RHBDD1: variants seen among roughly 807,000 people sequenced by gnomAD.
The protein encoded by RHBDD1 is rhomboid-related protein 4.
In RHBDD1, 38 loss-of-function variants were observed where a neutral mutation model predicts 36.3. That is an observed-to-expected ratio of 1.05 (90% CI 0.81 to 1.37). The LOEUF is 1.37. RHBDD1 is among the 40% of genes most tolerant of loss of function. The pLI, the probability that RHBDD1 is intolerant of heterozygous loss-of-function variation, is 0.00. For missense variants in RHBDD1, 393 were observed against 377.6 expected (o/e 1.04, Z -0.34); for synonymous variants, 151 against 136.5 (o/e 1.11, Z -0.74).
At chr2:226,906,536 A>C (rs1322227917) in intron 5 of RHBDD1, among the ~76,000 whole-genome samples, 2 of 152,228 alleles carry the variant, frequency 1.3e-5, no homozygotes, top group Non-Finnish European at 2.9e-5. Context: ...ACTGCTCTGG[A>C]GGAGACAACC....
At chr2:226,833,098 T>C (rs1372431769), upstream of RHBDD1, among the ~76,000 whole-genome samples, 1 of 152,230 alleles carries the variant, frequency 6.6e-6, no homozygotes, top group Non-Finnish European at 1.5e-5. Context: ...TAAGTATTGT[T>C]GGTATTATTA....
intron 8 of RHBDD1, among the ~76,000 whole-genome samples, chr2:226,967,592 C>G (rs1226593095): frequency 7.0e-6 from 1 of 143,666 alleles, no homozygotes; most frequent in African/African-American, 2.6e-5. Context: ...TCATGATAAC[C>G]TATTAGTGGA....
chr2:226,921,030 C>G (rs1263887523), intron 8 of RHBDD1, among the ~76,000 whole-genome samples: 1 of 152,082 alleles, frequency 6.6e-6, no homozygotes, highest in East Asian at 1.9e-4. Context: ...TGGCACCAAT[C>G]TCATTACTTT....
upstream of RHBDD1, among the ~76,000 whole-genome samples, chr2:226,835,330 A>G (rs564418885): frequency 6.6e-6 from 1 of 152,370 alleles, no homozygotes; most frequent in South Asian, 2.1e-4. Context: ...AAATGGTATC[A>G]AATTATGTAT....
chr2:226,856,351 A>T (rs1039080294), intron 3 of RHBDD1, among the ~76,000 whole-genome samples: 1 of 152,150 alleles, frequency 6.6e-6, no homozygotes, highest in Non-Finnish European at 1.5e-5. Flanking sequence ...ATATTATACC[A>T]TTTTCTTATT....
At chr2:226,921,548 T>C (rs1949315206) in intron 8 of RHBDD1, among the ~76,000 whole-genome samples, 1 of 152,180 alleles carries the variant, frequency 6.6e-6, no homozygotes, top group African/African-American at 2.4e-5. Context: ...TATCATTTGC[T>C]TCAAGAAATT....
chr2:226,936,832 A>C (rs2149130617), intron 8 of RHBDD1, among the ~76,000 whole-genome samples: 1 of 152,220 alleles, frequency 6.6e-6, no homozygotes. Context: ...TCAAGGTAAA[A>C]ATATTCTTCT....
rs1300438439 is a variant in RHBDD1, at chr2:226,998,402, T to A, written c.*2880T>A. 1 of 152,216 alleles carries A rather than the reference T, an allele frequency of 6.6e-6. No homozygotes were observed. Among genetic ancestry groups the A allele is most frequent in the Admixed American group, 6.5e-5 (1 of 15,284 alleles). 9.4% of individuals were successfully genotyped at this position (152,216 alleles called of 1,614,324 possible). On this transcript the variant is annotated 3_prime_UTR_variant, in exon 9 of 9. Coordinates refer to ENST00000392062, the MANE Select transcript of RHBDD1 (RefSeq NM_001167608.3). Reference sequence around the variant, plus strand: ...CCTCCCCCTACCCTGGAAATTGCACTGCAAGGCAGGGCGAGAATGGGGTAG... The same window carrying A: ...CCTCCCCCTACCCTGGAAATTGCACAGCAAGGCAGGGCGAGAATGGGGTAG...
chr2:226,985,279 C>G (rs1228773480), intron 8 of RHBDD1, among the ~76,000 whole-genome samples: 1 of 152,170 alleles, frequency 6.6e-6, no homozygotes, highest in Non-Finnish European at 1.5e-5. Context: ...AGTGCCTTGT[C>G]AGTCTCCTCT....
chr2:226,854,424 C>G (rs1373235446), intron 3 of RHBDD1, among the ~76,000 whole-genome samples: 1 of 151,950 alleles, frequency 6.6e-6, no homozygotes, highest in African/African-American at 2.4e-5. Flanking sequence ...GAAACCCTGT[C>G]TCTACTAAAA....
At chr2:226,879,650 C>G (rs1321944534) in intron 5 of RHBDD1, among the ~76,000 whole-genome samples, 1 of 152,170 alleles carries the variant, frequency 6.6e-6, no homozygotes, top group Non-Finnish European at 1.5e-5. Flanking sequence ...GTATAACATT[C>G]CTTTCTAAAT....
At position 226,904,427 on chromosome 2, in the gene RHBDD1, G is replaced by GTGC. The variant is rs768405024; in HGVS notation, c.567-2366_567-2365insTGC. On this transcript the variant is annotated intron_variant, in intron 5 of 8. Coordinates refer to ENST00000392062, the MANE Select transcript of RHBDD1 (RefSeq NM_001167608.3). The stretch of plus-strand genomic sequence containing the variant: ...ACATCCTGCAAGCGGGGGGGGAGGG[G>GTGC]GGTCAGGGAACTCCTGTTTCAGTAG... Among the ~76,000 whole-genome samples, 3 of 90,822 alleles carry GTGC rather than the reference G, an allele frequency of 3.3e-5. 1 individual carries two copies. The highest frequency in any genetic ancestry group is 2.3e-4 in the Admixed American group (2 of 8,818). The allele number at this position is 90,822 out of a possible 152,430, so 59.6% of individuals were successfully genotyped here. A position where few individuals can be genotyped will look rare whatever the true frequency, so the allele number is the denominator to read the frequency against.
intron 8 of RHBDD1, among the ~76,000 whole-genome samples, chr2:226,936,002 G>A (rs930101727): frequency 1.3e-5 from 2 of 152,116 alleles, no homozygotes; most frequent in Non-Finnish European, 1.5e-5. Context: ...CCAGGACAGA[G>A]ATGTACGACT....
chr2:226,825,895 G>T, the RHBDD1 span, among the ~76,000 whole-genome samples: 5 of 152,116 alleles, frequency 3.3e-5, no homozygotes, highest in East Asian at 9.6e-4. Context: ...TCGAAAAATG[G>T]TCACTATTAT....
intron 3 of RHBDD1, among the ~76,000 whole-genome samples, chr2:226,856,744 A>G (rs16822770): frequency 0.17 from 25,989 of 152,234 alleles, 3,378 homozygotes; most frequent in African/African-American, 0.36. Context: ...TTTGTGATGC[A>G]CTAATTTGCT....
intron 8 of RHBDD1, among the ~76,000 whole-genome samples, chr2:226,968,656 C>T (rs1236983910): frequency 6.6e-6 from 1 of 152,190 alleles, no homozygotes; most frequent in Non-Finnish European, 1.5e-5. Context: ...TGCGCACTCT[C>T]TCCGAAACAT....
chr2:226,870,328 G>A (rs906115525), intron 5 of RHBDD1, among the ~76,000 whole-genome samples: 2 of 152,140 alleles, frequency 1.3e-5, no homozygotes, highest in African/African-American at 2.4e-5. Flanking sequence ...TAAATCACTG[G>A]ATGTGTACAC....
At chr2:226,813,084 C>T in the RHBDD1 span, among the ~76,000 whole-genome samples, 1 of 152,158 alleles carries the variant, frequency 6.6e-6, no homozygotes, top group African/African-American at 2.4e-5. Context: ...CCTTTTGCAT[C>T]CCTGTGCTAA....
chr2:226,933,694 G>A (rs892504494), intron 8 of RHBDD1, among the ~76,000 whole-genome samples: 4 of 151,898 alleles, frequency 2.6e-5, no homozygotes, highest in African/African-American at 9.7e-5. Flanking sequence ...CTCTGGCTTG[G>A]GAGGCTGCCC....
Sources: allele counts gnomAD v4.1 joint callset (sites outside exome capture counted in the v4.1 genomes callset), GRCh38; gene constraint gnomAD v4.1.1; transcripts MANE v1.5; gene names NCBI Gene and HGNC (gene_info 2026-07-23, HGNC 2026-07-21).